Variants in SLC7A5 observed in about 807,000 individuals in gnomAD.
SLC7A5 encodes large neutral amino acids transporter small subunit 1.
In SLC7A5, 23 loss-of-function variants were observed where a neutral mutation model predicts 50.2. That is an observed-to-expected ratio of 0.46 (90% confidence interval 0.33 to 0.65). SLC7A5 has a LOEUF of 0.65. Among genes scored for constraint, SLC7A5 ranks in the 30% least tolerant of loss-of-function variants. The pLI is 0.02. For missense variants in SLC7A5, 578 were observed against 684.4 expected (o/e 0.84, Z 1.73); for synonymous variants, 393 against 330.6 (o/e 1.19, Z -2.05).
intron 2 of SLC7A5, among the ~76,000 whole-genome samples, chr16:87,843,973 A>G (rs2055115438): frequency 6.6e-6 from 1 of 152,168 alleles, no homozygotes. Flanking sequence ...GCAGGACTGG[A>G]AGGAATGGCT....
At position 87,852,318 on chromosome 16, in the gene SLC7A5, A is replaced by G. The variant is rs2055239429; in HGVS notation, c.539-469T>C. 1.3e-5 allele frequency among the ~76,000 whole-genome samples: 2 copies of G among 152,138 alleles called. No homozygotes were observed. The highest frequency in any genetic ancestry group is 4.8e-5 in the African/African-American group (2 of 41,432). The stretch of plus-strand genomic sequence containing the variant: ...CATGAGGGCGGGGCCCTTTCCTCAA[A>G]GAGGATCTTCTGTGGATTCCAACAG... On this transcript the variant is annotated intron_variant, in intron 1 of 9. Coordinates refer to ENST00000261622, the MANE Select transcript of SLC7A5 (RefSeq NM_003486.7). This position sits in a 1 kb window ranked among gnomAD's most constrained non-coding sequence, Gnocchi z 4.5.
chr16:87,853,125 A>C lies in SLC7A5; in HGVS notation c.539-1276T>G, dbSNP rs767452647. On this transcript the variant is annotated intron_variant, in intron 1 of 9. Coordinates refer to ENST00000261622, the MANE Select transcript of SLC7A5 (RefSeq NM_003486.7). This position sits in a 1 kb window ranked among gnomAD's most constrained non-coding sequence, Gnocchi z 4.4. ...CTCCTCTTCTCTCTTTCCCCTTGGG[A>C]GTAACGCTCAGAAAGGTCTGGCCAG... Among the ~76,000 whole-genome samples, 12 of 152,200 alleles carry C rather than the reference A, an allele frequency of 7.9e-5. No homozygotes were observed. Among genetic ancestry groups the C allele is most frequent in the Non-Finnish European group, 1.6e-4 (11 of 68,036 alleles).
chr16:87,842,056 A>G, intron 2 of SLC7A5, among the ~76,000 whole-genome samples: 1 of 152,174 alleles, frequency 6.6e-6, no homozygotes, highest in East Asian at 1.9e-4. Flanking sequence ...TATATTGCCC[A>G]GACATCAGTC....
chr16:87,858,992 C>T (rs956417539), intron 1 of SLC7A5, among the ~76,000 whole-genome samples: 6 of 152,228 alleles, frequency 3.9e-5, no homozygotes, highest in East Asian at 1.9e-4. Flanking sequence ...GGGCTTGCAC[C>T]GGCCCAGATG....
At chr16:87,836,714 C>T in intron 7 of SLC7A5, 67 bp from the exon 8 acceptor site, 1 of 1,561,502 alleles carries the variant, frequency 6.4e-7, no homozygotes, top group South Asian at 1.1e-5. Context: ...GCCGTGGTGG[C>T]CACCGGGGAC....
In SLC7A5 at chr16:87,832,801, C is replaced by T. The variant is rs1289768306; in HGVS notation, c.*169G>A. On this transcript the variant is annotated 3_prime_UTR_variant, in exon 10 of 10. Transcript: ENST00000261622. This position sits in a 1 kb window ranked among gnomAD's most constrained non-coding sequence, Gnocchi z 4.6. ...TGGCCCTCAGTTGAGGGATGAGATTCGTACCAGAGTTTTCACAGCAGCCTC... is the reference window on the plus strand; with the variant it reads ...TGGCCCTCAGTTGAGGGATGAGATTTGTACCAGAGTTTTCACAGCAGCCTC... 1.6e-5 allele frequency: 11 copies of T among 671,978 alleles called. No homozygotes were observed. Among genetic ancestry groups the T allele is most frequent in the Admixed American group, 1.5e-4 (8 of 53,042 alleles). The allele number at this position is 671,978 out of a possible 1,614,324, so 41.6% of individuals were successfully genotyped here.
At position 87,836,480 on chromosome 16, in the gene SLC7A5, G is replaced by C. The variant is rs374266851; in HGVS notation, c.1290+18C>G. Reference sequence around the variant, plus strand: ...CTCTGTGAAGGGTGCCTGGGTGAGCGGGAGGCCCCGGGCTCACCTTGATGG... The same window carrying C: ...CTCTGTGAAGGGTGCCTGGGTGAGCCGGAGGCCCCGGGCTCACCTTGATGG... On this transcript the variant is annotated intron_variant, in intron 8 of 9. Transcript: ENST00000261622. 1 of 1,606,998 alleles carries C rather than the reference G, an allele frequency of 6.2e-7. No individual in the cohort carries two copies. Among genetic ancestry groups the C allele is most frequent in the Non-Finnish European group, 8.5e-7 (1 of 1,179,700 alleles).
chr16:87,847,947 G>C (rs2055174255), intron 2 of SLC7A5, among the ~76,000 whole-genome samples: 2 of 152,204 alleles, frequency 1.3e-5, no homozygotes, highest in South Asian at 4.1e-4. Flanking sequence ...CCTACTCATA[G>C]GTGTAGGTCA....
At chr16:87,859,450 G>A (rs1361846891) in intron 1 of SLC7A5, among the ~76,000 whole-genome samples, 5 of 152,186 alleles carry the variant, frequency 3.3e-5, no homozygotes, top group Non-Finnish European at 5.9e-5. Flanking sequence ...TGTAGCAGCT[G>A]CAGTTTGAGC....
rs145832624 is a variant in SLC7A5 at position 87,847,573 on chromosome 16, C to T, written c.664+4151G>A. Among the ~76,000 whole-genome samples, 65 of 152,300 alleles carry T rather than the reference C, an allele frequency of 4.3e-4. 1 individual carries two copies. The highest frequency in any genetic ancestry group is 1.5e-3 in the African/African-American group (61 of 41,542). The stretch of plus-strand genomic sequence containing the variant: ...TGGACGTGTTACTCAGGAACTGTCC[C>T]GTCAGCTTTTCCCGTAACACATGAC... On this transcript the variant is annotated intron_variant, in intron 2 of 9. Coordinates refer to ENST00000261622, the MANE Select transcript of SLC7A5 (RefSeq NM_003486.7).
chr16:87,834,096 C>T (rs910855499), intron 9 of SLC7A5, among the ~76,000 whole-genome samples: 5 of 152,134 alleles, frequency 3.3e-5, no homozygotes, highest in African/African-American at 1.2e-4. Context: ...TCAAGTGATC[C>T]GCCTGCCTCT....
At chr16:87,858,850 C>A (rs1162424673) in intron 1 of SLC7A5, among the ~76,000 whole-genome samples, 1 of 152,236 alleles carries the variant, frequency 6.6e-6, no homozygotes, top group Non-Finnish European at 1.5e-5. Flanking sequence ...GTACACCCGA[C>A]AGGAGGATGC....
rs1567501953 is a variant in SLC7A5 at position 87,861,273 on chromosome 16, G to A, written c.538+7612C>T. ...GAAGGATGGAGAAGGGTGGAGGAGC[G>A]CAAAGGGCCCCTAGGGGATGCTGGG... On this transcript the variant is annotated intron_variant, in intron 1 of 9. Coordinates refer to ENST00000261622, the MANE Select transcript of SLC7A5 (RefSeq NM_003486.7). The surrounding 1 kb of genome is among the most constrained non-coding windows in gnomAD (Gnocchi z 4.2). Among the ~76,000 whole-genome samples the A allele has an allele frequency of 3.3e-5, 5 of 152,110 alleles. No homozygotes were observed. The highest frequency in any genetic ancestry group is 4.8e-5 in the African/African-American group (2 of 41,408).
chr16:87,854,645 A>T (rs761822977), intron 1 of SLC7A5, among the ~76,000 whole-genome samples: 7 of 152,242 alleles, frequency 4.6e-5, no homozygotes, highest in Non-Finnish European at 5.9e-5. Flanking sequence ...ACCCCCAGAT[A>T]AGTGTGGCCG....
chr16:87,843,361 T>TC, intron 2 of SLC7A5, among the ~76,000 whole-genome samples: 1 of 61,606 alleles, frequency 1.6e-5, no homozygotes, highest in African/African-American at 1.1e-4. Flanking sequence ...TTTTTTTTTT[T>TC]TTTTTTTTTT....
intron 1 of SLC7A5, among the ~76,000 whole-genome samples, chr16:87,857,273 A>G (rs1020935750): frequency 6.6e-6 from 1 of 151,470 alleles, no homozygotes; most frequent in Non-Finnish European, 1.5e-5. Flanking sequence ...CCCAGGCTGG[A>G]GTGCAGTGGT....
In SLC7A5 at chr16:87,841,236, G is replaced by A. The variant is rs1350252674; in HGVS notation, c.665-81C>T. 18 of 929,560 alleles carry A rather than the reference G, an allele frequency of 1.9e-5. No homozygotes were observed. The highest frequency in any genetic ancestry group is 3.2e-5 in the Non-Finnish European group (18 of 562,312). The allele number at this position is 929,560 out of a possible 1,614,324, so 57.6% of individuals were successfully genotyped here. ...CTACCAGTTCTAGAATGTTCCTGGA[G>A]CAAAATACATAGCAAACAAAAATGC... is the stretch of plus-strand genomic sequence containing the variant. On this transcript the variant is annotated intron_variant, in intron 2 of 9. Transcript: ENST00000261622. The surrounding 1 kb of genome is among the most constrained non-coding windows in gnomAD (Gnocchi z 4.8).
chr16:87,849,290 A>G (rs1211332028), intron 2 of SLC7A5, among the ~76,000 whole-genome samples: 1 of 152,222 alleles, frequency 6.6e-6, no homozygotes, highest in Non-Finnish European at 1.5e-5. Flanking sequence ...TGTATCTTCT[A>G]AAAGCAAGGC....
intron 3 of SLC7A5, among the ~76,000 whole-genome samples, 185 bp downstream of exon 3, chr16:87,840,865 G>A (rs955218491): frequency 2.0e-5 from 3 of 151,602 alleles, no homozygotes; most frequent in South Asian, 4.1e-4. Flanking sequence ...GCCTCCCCAC[G>A]CTTCGTCGGG....
Sources: allele counts gnomAD v4.1 joint callset (sites outside exome capture counted in the v4.1 genomes callset), GRCh38; gene constraint gnomAD v4.1.1; non-coding constraint Gnocchi (gnomAD v3.1); transcripts MANE v1.5; gene names NCBI Gene and HGNC (gene_info 2026-07-23, HGNC 2026-07-21).